Variants in NRXN3 observed in about 807,000 individuals in gnomAD.
NRXN3 encodes the protein neurexin 3.
A neutral mutation model predicts 137.6 loss-of-function variants in NRXN3; 32 were observed. The observed-to-expected ratio is 0.23, with a 90% CI of 0.18 to 0.31. The LOEUF is 0.31. Ranked by LOEUF, NRXN3 falls within the 10% of genes least tolerant of loss-of-function variation. NRXN3 has a pLI of 1.00. For missense variants in NRXN3, 1,574 were observed against 2,062.5 expected (o/e 0.76, Z 4.59); for synonymous variants, 798 against 784.5 (o/e 1.02, Z -0.29).
chr14:78,954,742 G>C (rs192060107), intron 10 of NRXN3, among the ~76,000 whole-genome samples: 143 of 151,026 alleles, frequency 9.5e-4, no homozygotes, highest in Non-Finnish European at 1.0e-4. Flanking sequence ...TGGGATTACA[G>C]GCGTGAGCCA....
At chr14:78,796,956 C>T (rs1218709168) in intron 8 of NRXN3, among the ~76,000 whole-genome samples, 2 of 152,142 alleles carry the variant, frequency 1.3e-5, no homozygotes, top group African/African-American at 2.4e-5. Flanking sequence ...TCTAAGCTAA[C>T]AGTCCTTTGC....
chr14:78,401,048 C>G (rs1457379846), intron 4 of NRXN3, among the ~76,000 whole-genome samples: 2 of 152,172 alleles, frequency 1.3e-5, no homozygotes, highest in African/African-American at 4.8e-5. Flanking sequence ...TGCCTTCTTG[C>G]TAATCCTCTG....
intron 15 of NRXN3, among the ~76,000 whole-genome samples, chr14:79,448,265 A>G (rs1381653498): frequency 6.6e-6 from 1 of 152,086 alleles, no homozygotes; most frequent in African/African-American, 2.4e-5. Flanking sequence ...CTGCACTCAG[A>G]TTACTATTGC....
chr14:79,644,465 T>A (rs2098445312), intron 16 of NRXN3, among the ~76,000 whole-genome samples: 1 of 135,632 alleles, frequency 7.4e-6, no homozygotes, highest in African/African-American at 2.5e-5. Context: ...AGATTTACTT[T>A]GTGACTGAAG....
chr14:78,716,177 A>G (rs2098432519), intron 8 of NRXN3, among the ~76,000 whole-genome samples: 1 of 152,172 alleles, frequency 6.6e-6, no homozygotes, highest in Non-Finnish European at 1.5e-5. Flanking sequence ...CACCCGATTT[A>G]CAGTTTAAGT....
chr14:79,741,801 T>TA (rs2098964162), intron 19 of NRXN3, among the ~76,000 whole-genome samples: 1 of 146,828 alleles, frequency 6.8e-6, no homozygotes, highest in Non-Finnish European at 1.5e-5. Flanking sequence ...GTGTATACAT[T>TA]ACACACACAC....
At chr14:79,304,520 A>G (rs775488002) in intron 15 of NRXN3, among the ~76,000 whole-genome samples, 2 of 152,078 alleles carry the variant, frequency 1.3e-5, no homozygotes, top group South Asian at 2.1e-4. Context: ...GGGGATTCCA[A>G]TGAAGAAGTA....
At chr14:78,931,939 G>A (rs910660245) in intron 10 of NRXN3, among the ~76,000 whole-genome samples, 1 of 152,086 alleles carries the variant, frequency 6.6e-6, no homozygotes, top group Non-Finnish European at 1.5e-5. Flanking sequence ...CTGAGATCAG[G>A]AGTTCGAGAC....
intron 15 of NRXN3, among the ~76,000 whole-genome samples, chr14:79,284,083 G>T (rs530677809): frequency 2.0e-5 from 3 of 151,808 alleles, no homozygotes; most frequent in Admixed American, 2.0e-4. Flanking sequence ...GTAGTTTAGT[G>T]ATTACAGATA....
At chr14:79,579,053 A>C (rs1025569855) in intron 16 of NRXN3, among the ~76,000 whole-genome samples, 1 of 152,086 alleles carries the variant, frequency 6.6e-6, no homozygotes, top group Non-Finnish European at 1.5e-5. Context: ...AGAAGCATAC[A>C]TTTCAATTTT....
chr14:78,293,090 G>A (rs1309101653), intron 3 of NRXN3, among the ~76,000 whole-genome samples: 2 of 152,050 alleles, frequency 1.3e-5, no homozygotes, highest in African/African-American at 4.8e-5. Context: ...ATGTTGGAAA[G>A]CCATATAGTT....
intron 20 of NRXN3, chr14:79,853,873 T>C (rs2099396949): frequency 1.0e-6 from 1 of 987,284 alleles, no homozygotes; most frequent in Non-Finnish European, 1.2e-6. Context: ...AGTAAACAGG[T>C]TTTTTTGTTT....
In NRXN3 at chr14:78,803,829, G is replaced by A. The variant is rs200245559; in HGVS notation, c.2248+6G>A. 44 of 1,611,468 alleles carry A rather than the reference G, an allele frequency of 2.7e-5. No individual in the cohort carries two copies. The highest frequency in any genetic ancestry group is 1.4e-4 in the South Asian group (13 of 91,012). ...CAAGCTCATGGTTAACTTAGGTATC[G>A]TATGAAGTACCCTCTGCCACTTCGT... On this transcript the variant is annotated splice_donor_region_variant and intron_variant, in intron 9 of 20. Coordinates refer to ENST00000335750, the MANE Select transcript of NRXN3 (RefSeq NM_001330195.2).
chr14:78,379,320 C>A (rs2088579046), intron 4 of NRXN3, among the ~76,000 whole-genome samples: 1 of 152,174 alleles, frequency 6.6e-6, no homozygotes, highest in South Asian at 2.1e-4. Context: ...AAAAACCCCA[C>A]TACATACCAA....
At chr14:79,710,522 A>T (rs1197108852) in intron 19 of NRXN3, among the ~76,000 whole-genome samples, 3 of 152,186 alleles carry the variant, frequency 2.0e-5, no homozygotes, top group Non-Finnish European at 4.4e-5. Context: ...TAAGAGTGCT[A>T]TTGTAACACG....
At chr14:78,517,286 GC>G (rs2096222774) in intron 4 of NRXN3, among the ~76,000 whole-genome samples, 1 of 152,108 alleles carries the variant, frequency 6.6e-6, no homozygotes, top group African/African-American at 2.4e-5. Flanking sequence ...TTTAAGTAAT[GC>G]TGGGTGATGA....
intron 17 of NRXN3, among the ~76,000 whole-genome samples, chr14:79,665,077 C>A (rs1189116340): frequency 6.6e-6 from 1 of 152,154 alleles, no homozygotes; most frequent in Non-Finnish European, 1.5e-5. Flanking sequence ...TAGGCCAAGA[C>A]TTTGAATGGC....
chr14:79,170,007 C>G (rs1263444884), intron 15 of NRXN3, among the ~76,000 whole-genome samples: 1 of 152,068 alleles, frequency 6.6e-6, no homozygotes, highest in Non-Finnish European at 1.5e-5. Context: ...TGTCTTATCT[C>G]TTATGCAAAA....
chr14:78,225,846 T>A (rs1335376212), intron 1 of NRXN3, among the ~76,000 whole-genome samples: 1 of 152,142 alleles, frequency 6.6e-6, no homozygotes, highest in Non-Finnish European at 1.5e-5. Flanking sequence ...CCTCCCCTTA[T>A]GGTTACTGCT....
Sources: gnomAD v4.1 joint callset for allele counts (sites outside exome capture counted in the v4.1 genomes callset) on GRCh38, gnomAD v4.1.1 for gene constraint, MANE v1.5 for transcripts, NCBI Gene and HGNC (gene_info 2026-07-23, HGNC 2026-07-21) for gene names.